FSTL5: variants seen among roughly 807,000 people sequenced by gnomAD.
FSTL5 encodes follistatin like 5, also known as follistatin-related protein 5.
A neutral mutation model predicts 89.1 loss-of-function variants in FSTL5; 62 were observed. That is an observed-to-expected ratio of 0.70 (90% CI 0.57 to 0.86). FSTL5 has a LOEUF of 0.86. FSTL5 is among the 40% of genes least tolerant of loss of function. The pLI is 0.00. For synonymous variants in FSTL5, 383 were observed against 346.2 expected, an observed-to-expected ratio of 1.11 and a Z score of -1.18; for missense variants, 1,057 against 1,001.6, an observed-to-expected ratio of 1.06 and a Z score of -0.75.
At chr4:161,635,651 T>C (rs889196569) in intron 7 of FSTL5, among the ~76,000 whole-genome samples, 1 of 152,192 alleles carries the variant, frequency 6.6e-6, no homozygotes, top group African/African-American at 2.4e-5. Flanking sequence ...AACTACAGCA[T>C]GGTAGAATAG....
chr4:161,475,834 C>T lies in FSTL5; in HGVS notation c.1608+5186G>A, dbSNP rs146750734. On this transcript the variant is annotated intron_variant, in intron 13 of 15. Coordinates refer to ENST00000306100, the MANE Select transcript of FSTL5 (RefSeq NM_020116.5). ...GCGCAATCTCAGCTCACTGCAAGCT[C>T]CGCTTCCTGGGTTCACACCATTCTC... Among the ~76,000 whole-genome samples the T allele has an allele frequency of 9.6e-4, 146 of 152,044 alleles. 2 individuals carry two copies. In the East Asian group the frequency reaches 0.025, roughly 26 times the overall value.
intron 11 of FSTL5, among the ~76,000 whole-genome samples, chr4:161,505,959 T>C (rs991790968): frequency 6.6e-6 from 1 of 152,118 alleles, no homozygotes; most frequent in African/African-American, 2.4e-5. Flanking sequence ...AGCATAGTCT[T>C]CCCCTCCCCC....
At chr4:161,851,720 T>C (rs1393271318) in intron 4 of FSTL5, among the ~76,000 whole-genome samples, 2 of 147,032 alleles carry the variant, frequency 1.4e-5, no homozygotes, top group African/African-American at 2.5e-5. Context: ...AATGTTAGAG[T>C]CATAGATATT....
At chr4:161,483,473 A>C (rs1729587036) in intron 12 of FSTL5, among the ~76,000 whole-genome samples, 1 of 152,200 alleles carries the variant, frequency 6.6e-6, no homozygotes, top group Admixed American at 6.5e-5. Context: ...ACAGTAAAAT[A>C]AACTGCTCTG....
intron 1 of FSTL5, among the ~76,000 whole-genome samples, chr4:162,143,747 CA>C (rs199956935): frequency 0.39 from 28,626 of 73,844 alleles, 2,903 homozygotes; most frequent in East Asian, 0.56. Flanking sequence ...CACACACACA[CA>C]CCCAGGAAAA....
chr4:162,081,720 T>C lies in FSTL5; in HGVS notation c.126+29551A>G, dbSNP rs1225312492. Reference sequence around the variant, plus strand: ...AGAGCTCATCTATAATATGACACCCTGTCCATAGATATTGTAAAACAAAGA... The same window carrying C: ...AGAGCTCATCTATAATATGACACCCCGTCCATAGATATTGTAAAACAAAGA... On this transcript the variant is annotated intron_variant, in intron 2 of 15. Transcript: ENST00000306100. 4.0e-5 allele frequency among the ~76,000 whole-genome samples: 6 copies of C among 151,532 alleles called. No individual in the cohort carries two copies. In the East Asian group the frequency reaches 1.2e-3, roughly 29 times the overall value.
intron 3 of FSTL5, among the ~76,000 whole-genome samples, chr4:161,935,342 G>A (rs1734402820): frequency 6.6e-6 from 1 of 152,108 alleles, no homozygotes; most frequent in South Asian, 2.1e-4. Context: ...CATCAGTGAT[G>A]CAGAATCTTT....
At chr4:161,398,747 T>A (rs748420990) in intron 15 of FSTL5, among the ~76,000 whole-genome samples, 4 of 152,138 alleles carry the variant, frequency 2.6e-5, no homozygotes, top group Non-Finnish European at 5.9e-5. Context: ...AACTTGCATG[T>A]ACAAAATAAT....
At chr4:161,517,265 C>CA (rs1263590791) in intron 10 of FSTL5, among the ~76,000 whole-genome samples, 1 of 152,126 alleles carries the variant, frequency 6.6e-6, no homozygotes, top group Non-Finnish European at 1.5e-5. Flanking sequence ...TCCTTTCACA[C>CA]ATGGAGCCCT....
At chr4:161,565,742 G>GAGACACAC (rs1553998237) in intron 8 of FSTL5, among the ~76,000 whole-genome samples, 2 of 133,572 alleles carry the variant, frequency 1.5e-5, no homozygotes, top group African/African-American at 2.8e-5. Context: ...TATAACTTGA[G>GAGACACAC]ACACACACAC....
At chr4:161,569,297 C>A (rs192675653) in intron 8 of FSTL5, among the ~76,000 whole-genome samples, 1 of 152,102 alleles carries the variant, frequency 6.6e-6, no homozygotes, top group African/African-American at 2.4e-5. Context: ...GCCATGGCTG[C>A]CATAAACATT....
chr4:161,668,801 G>T (rs546722144), intron 6 of FSTL5, among the ~76,000 whole-genome samples: 191 of 152,134 alleles, frequency 1.3e-3, no homozygotes, highest in Non-Finnish European at 2.3e-3. Flanking sequence ...TTAAAACTTG[G>T]ATGAATTTAT....
chr4:162,067,658 C>T (rs1339571692), intron 2 of FSTL5, among the ~76,000 whole-genome samples: 2 of 152,144 alleles, frequency 1.3e-5, no homozygotes, highest in South Asian at 2.1e-4. Flanking sequence ...ACAAAGATGA[C>T]CTCTCTTACC....
chr4:161,703,454 C>T (rs1303493206), intron 6 of FSTL5, among the ~76,000 whole-genome samples: 1 of 152,130 alleles, frequency 6.6e-6, no homozygotes, highest in African/African-American at 2.4e-5. Context: ...TGAGCTTTCT[C>T]ATCCAATTCC....
At chr4:162,012,011 C>T (rs76903409) in intron 3 of FSTL5, among the ~76,000 whole-genome samples, 20,934 of 152,152 alleles carry the variant, frequency 0.14, 1,521 homozygotes, top group East Asian at 0.28. Flanking sequence ...TGATGTATTT[C>T]ATAATTGTAT....
chr4:161,733,342 T>C (rs911012460), intron 6 of FSTL5, among the ~76,000 whole-genome samples: 2 of 152,080 alleles, frequency 1.3e-5, no homozygotes, highest in Non-Finnish European at 2.9e-5. Context: ...ATTGACATTA[T>C]ATTCTGTGCT....
chr4:161,396,184 T>C (rs934908907), intron 15 of FSTL5, among the ~76,000 whole-genome samples: 5 of 151,026 alleles, frequency 3.3e-5, no homozygotes, highest in African/African-American at 1.2e-4. Context: ...AGCTCAGCCA[T>C]CAACCAATCC....
intron 8 of FSTL5, among the ~76,000 whole-genome samples, chr4:161,566,656 G>A (rs1290726742): frequency 1.3e-5 from 2 of 152,022 alleles, no homozygotes; most frequent in South Asian, 4.2e-4. Context: ...TCTAACTGGT[G>A]TGAGATGGTA....
At chr4:161,708,286 C>T (rs777478144) in intron 6 of FSTL5, among the ~76,000 whole-genome samples, 1 of 151,804 alleles carries the variant, frequency 6.6e-6, no homozygotes, top group Non-Finnish European at 1.5e-5. Context: ...TAAATTATTC[C>T]GCTGCCCTGT....
Sources: gnomAD v4.1 joint callset for allele counts (sites outside exome capture counted in the v4.1 genomes callset) on GRCh38, gnomAD v4.1.1 for gene constraint, MANE v1.5 for transcripts, NCBI Gene and HGNC (gene_info 2026-07-23, HGNC 2026-07-21) for gene names.